The following MEP1A variants were observed in gnomAD, a reference collection of about 807,000 sequenced individuals.
MEP1A encodes N-benzoyl-L-tyrosyl-P-amino-benzoic acid hydrolase subunit alpha.
Under a neutral mutation model 84.5 loss-of-function variants are expected in MEP1A, and 68 were observed. The ratio of observed to expected loss-of-function variants is 0.80; its 90% CI spans 0.66 to 0.98. MEP1A has a LOEUF of 0.98. Among genes scored for constraint, MEP1A ranks in the 50% least tolerant of loss-of-function variants. The pLI is 0.00. For synonymous variants in MEP1A, 337 were observed against 336.8 expected (o/e 1.00, Z -0.01); for missense variants, 887 against 919.9 (o/e 0.96, Z 0.46).
intron 3 of MEP1A, among the ~76,000 whole-genome samples, 161 bp downstream of exon 3, chr6:46,793,877 G>A (rs9463251): frequency 0.026 from 3,883 of 152,180 alleles, 156 homozygotes; most frequent in African/African-American, 0.087. Context: ...ATAAAAATGC[G>A]GAAAGAGAAG....
chr6:46,803,887 A>T (rs932945968), intron 5 of MEP1A, among the ~76,000 whole-genome samples: 2 of 151,676 alleles, frequency 1.3e-5, no homozygotes, highest in African/African-American at 4.8e-5. Flanking sequence ...TTACATTTTT[A>T]AAAATATTGT....
chr6:46,809,772 C>T (rs140134145), intron 6 of MEP1A, among the ~76,000 whole-genome samples: 2 of 151,268 alleles, frequency 1.3e-5, no homozygotes, highest in African/African-American at 4.9e-5. Flanking sequence ...TTATTTTGTT[C>T]CTTTTTATGG....
At chr6:46,834,321 C>CAACT (rs1768150989) in intron 11 of MEP1A, among the ~76,000 whole-genome samples, 1 of 151,932 alleles carries the variant, frequency 6.6e-6, no homozygotes, top group Admixed American at 6.5e-5. Context: ...CAGTAGCAGA[C>CAACT]AACTGATCAC....
intron 6 of MEP1A, among the ~76,000 whole-genome samples, chr6:46,818,895 G>A (rs1031466651): frequency 1.3e-5 from 2 of 152,168 alleles, no homozygotes; most frequent in Non-Finnish European, 2.9e-5. Flanking sequence ...GGAGGTCAAG[G>A]AGGGCAAATC....
At chr6:46,809,716 C>T (rs765326583) in intron 6 of MEP1A, among the ~76,000 whole-genome samples, 179 bp downstream of exon 6, 1 of 151,992 alleles carries the variant, frequency 6.6e-6, no homozygotes, top group Non-Finnish European at 1.5e-5. Flanking sequence ...AGTTACTTCA[C>T]TTAGAATAAT....
At chr6:46,799,205 G>C in intron 5 of MEP1A, 24 bp downstream of exon 5, 1 of 1,497,078 alleles carries the variant, frequency 6.7e-7, no homozygotes, top group Non-Finnish European at 9.3e-7. Context: ...TTCTTAATTA[G>C]GAAGTTTCAG....
the MEP1A span, among the ~76,000 whole-genome samples, chr6:46,845,010 T>A: frequency 6.6e-6 from 1 of 152,196 alleles, no homozygotes; most frequent in Non-Finnish European, 1.5e-5. Context: ...CTTGCTACCA[T>A]GTAAGACGTG....
intron 6 of MEP1A, among the ~76,000 whole-genome samples, chr6:46,816,180 G>A (rs1164809102): frequency 3.3e-5 from 5 of 151,732 alleles, no homozygotes; most frequent in Non-Finnish European, 4.4e-5. Context: ...TCAGGTAATC[G>A]GCCCACCTCA....
In MEP1A at chr6:46,836,741, G is replaced by A. The variant is rs142426219; in HGVS notation, c.2084+1192G>A. Among the ~76,000 whole-genome samples, 4 of 149,446 alleles carry A rather than the reference G, an allele frequency of 2.7e-5. No homozygotes were observed. The East Asian group carries it at 7.8e-4, about 29-fold the overall frequency. ...CCCTCCAATTTGGGACAATTCCTCA[G>A]TTCTTTCTTGTCCTTCATTACCTTG... On this transcript the variant is annotated intron_variant, in intron 13 of 13. Transcript: ENST00000230588.
At chr6:46,826,886 C>T (rs190286087) in intron 9 of MEP1A, among the ~76,000 whole-genome samples, 4 of 152,194 alleles carry the variant, frequency 2.6e-5, no homozygotes, top group South Asian at 4.1e-4. Flanking sequence ...ACTTTTAATA[C>T]CTCATGAAAA....
At position 46,834,645 on chromosome 6, in the gene MEP1A, T is replaced by A; in HGVS notation, c.1677T>A (p.Cys559Ter). Residue 559 changes from cysteine to a stop codon, truncating the protein, a stop_gained, in exon 12 of 14, where the codon TGT becomes TGA. Transcript: ENST00000230588. LOFTEE classifies it high-confidence loss of function. ...GAACCTATCATACGGACTGTAATTGTTTTAGAAGCATCGACTTGGGCTGGA... is the reference window on the plus strand; with the variant it reads ...GAACCTATCATACGGACTGTAATTGATTTAGAAGCATCGACTTGGGCTGGA... ...RVGTYHTDCN[C>*]FRSIDLGWSG... 1 of 1,611,194 alleles carries A rather than the reference T, an allele frequency of 6.2e-7. No homozygotes were observed. The highest frequency in any genetic ancestry group is 2.2e-5 in the East Asian group (1 of 44,856).
At chr6:46,795,404 G>A (rs964077361) in intron 3 of MEP1A, among the ~76,000 whole-genome samples, 4 of 151,994 alleles carry the variant, frequency 2.6e-5, no homozygotes, top group Non-Finnish European at 5.9e-5. Context: ...GGGTTCAAGC[G>A]AGTCTCCTGC....
chr6:46,827,798 C>T (rs888749941), intron 9 of MEP1A, among the ~76,000 whole-genome samples: 2 of 152,196 alleles, frequency 1.3e-5, no homozygotes, highest in Non-Finnish European at 2.9e-5. Context: ...AGTCTGTGGG[C>T]TTGCTGTTAG....
In MEP1A at chr6:46,825,427, ATT is replaced by A. The variant is rs775145526; in HGVS notation, c.713_714del (p.Ile238AsnfsTer11). ...AGCCAAGATCCCTGAGTTTAACTCC[ATT>A]ATCGGACAGCGCCTGGATTTCAGTG... ...ITAKIPEFNS[I>X]IGQRLDFSAI... On this transcript the variant is annotated frameshift_variant, in exon 8 of 14. Transcript: ENST00000230588. LOFTEE classifies it high-confidence loss of function. The A allele has an allele frequency of 6.2e-5, 100 of 1,613,814 alleles. No individual in the cohort carries two copies. Among genetic ancestry groups the A allele is most frequent in the Non-Finnish European group, 8.3e-5 (98 of 1,179,878 alleles).
chr6:46,801,907 C>T (rs1030162435), intron 5 of MEP1A, among the ~76,000 whole-genome samples: 4 of 151,926 alleles, frequency 2.6e-5, no homozygotes, highest in Non-Finnish European at 4.4e-5. Flanking sequence ...CCAAGTTTGC[C>T]AAGACTCCTC....
intron 9 of MEP1A, among the ~76,000 whole-genome samples, chr6:46,828,629 G>A (rs1581685596): frequency 2.0e-5 from 3 of 152,308 alleles, no homozygotes; most frequent in Admixed American, 2.0e-4. Context: ...ACTTTGACAA[G>A]TGTGTGGTTT....
rs529601005 is a variant in MEP1A, at chr6:46,839,009, C to T, written c.2114C>T (p.Thr705Met). ...ATCTCTGGACATGCTTTCTTCTACACGGGGGAGCGCTGTCAGGCCGTGCAG... is the reference window on the plus strand; with the variant it reads ...ATCTCTGGACATGCTTTCTTCTACATGGGGGAGCGCTGTCAGGCCGTGCAG... The part of the protein sequence containing the change: ...RCISGHAFFY[T>M]GERCQAVQVH... Residue 705 changes from threonine to methionine, a missense_variant, in exon 14 of 14, where the codon ACG (threonine) becomes ATG (methionine). Transcript: ENST00000230588. The T allele has an allele frequency of 9.4e-5, 151 of 1,613,500 alleles. No individual in the cohort carries two copies. Among genetic ancestry groups the T allele is most frequent in the African/African-American group, 1.6e-4 (12 of 75,048 alleles).
chr6:46,825,622 C>T (rs185318148), intron 8 of MEP1A, 129 bp downstream of exon 8: 33 of 692,956 alleles, frequency 4.8e-5, no homozygotes, highest in Admixed American at 2.8e-4. Flanking sequence ...GAACAAACTG[C>T]GTAACTTTTG....
chr6:46,818,736 C>T lies in MEP1A; in HGVS notation c.381-793C>T, dbSNP rs188905414. ...CATAACACTGTAGATCTGCTATTTC[C>T]GAAGACATGGATTTTATTAATTTGC... is the stretch of plus-strand genomic sequence containing the variant. On this transcript the variant is annotated intron_variant, in intron 6 of 13. Coordinates refer to ENST00000230588, the MANE Select transcript of MEP1A (RefSeq NM_005588.3). Among the ~76,000 whole-genome samples the T allele has an allele frequency of 1.7e-3, 256 of 152,134 alleles. 2 individuals carry two copies. The highest frequency in any genetic ancestry group is 3.7e-3 in the African/African-American group (153 of 41,510).
Sources: gnomAD v4.1 joint callset for allele counts (sites outside exome capture counted in the v4.1 genomes callset) on GRCh38, gnomAD v4.1.1 for gene constraint, MANE v1.5 for transcripts, NCBI Gene and HGNC (gene_info 2026-07-23, HGNC 2026-07-21) for gene names.